Variants in PTPRA observed in about 807,000 individuals in gnomAD.
PTPRA encodes receptor-type tyrosine-protein phosphatase alpha.
A neutral mutation model predicts 104.8 loss-of-function variants in PTPRA; 25 were observed. The ratio of observed to expected loss-of-function variants is 0.24; its 90% CI spans 0.17 to 0.33. PTPRA has a LOEUF of 0.33. Ranked by LOEUF, PTPRA falls within the 10% of genes least tolerant of loss-of-function variation. PTPRA has a pLI of 1.00. For synonymous variants in PTPRA, 323 were observed against 368.9 expected (o/e 0.88, Z 1.43); for missense variants, 765 against 1,015.3 (o/e 0.75, Z 3.35).
At position 3,035,872 on chromosome 20, in the gene PTPRA, T is replaced by A. The variant is rs760178574; in HGVS notation, c.2129T>A (p.Ile710Asn). The A allele has an allele frequency of 4.3e-6, 7 of 1,614,032 alleles. No homozygotes were observed. The highest frequency in any genetic ancestry group is 4.2e-6 in the Non-Finnish European group (5 of 1,180,020). ...VGIPSDGKGM[I>N]SIIAAVQKQQ... Reference sequence around the variant, plus strand: ...ATCCCCAGTGACGGAAAGGGCATGATCAGCATCATCGCCGCCGTGCAGAAG... The same window carrying A: ...ATCCCCAGTGACGGAAAGGGCATGAACAGCATCATCGCCGCCGTGCAGAAG... Residue 710 changes from isoleucine (I) to asparagine (N), a missense_variant, in exon 22 of 24, where the codon ATC becomes AAC. Coordinates refer to ENST00000399903, the MANE Select transcript of PTPRA (RefSeq NM_001385305.1). The surrounding 1 kb of genome is among the most constrained non-coding windows in gnomAD (Gnocchi z 5.8).
At chr20:2,986,080 T>A (rs1600215714) in intron 6 of PTPRA, among the ~76,000 whole-genome samples, 2 of 152,220 alleles carry the variant, frequency 1.3e-5, no homozygotes, top group Non-Finnish European at 1.5e-5. Context: ...GCTATTTTTT[T>A]AATTTTTAGT....
chr20:2,917,114 G>A (rs6138950), intron 1 of PTPRA, among the ~76,000 whole-genome samples: 6,431 of 151,536 alleles, frequency 0.042, 309 homozygotes, highest in Admixed American at 0.11. Flanking sequence ...CACACCATCC[G>A]CCCAACTAAA....
At chr20:3,004,680 A>G (rs1203254994) in intron 9 of PTPRA, among the ~76,000 whole-genome samples, 2 of 152,218 alleles carry the variant, frequency 1.3e-5, no homozygotes, top group Non-Finnish European at 2.9e-5. Flanking sequence ...TGTGGTGGTA[A>G]TTAGCATGAG....
At chr20:2,966,668 C>T (rs2061957505) in intron 5 of PTPRA, among the ~76,000 whole-genome samples, 1 of 152,106 alleles carries the variant, frequency 6.6e-6, no homozygotes, top group Non-Finnish European at 1.5e-5. Context: ...TAGAATAATC[C>T]TATGAATTAA....
intron 2 of PTPRA, among the ~76,000 whole-genome samples, chr20:2,940,684 A>G (rs1490176579): frequency 6.6e-6 from 1 of 152,138 alleles, no homozygotes; most frequent in Admixed American, 6.6e-5. Flanking sequence ...TCTCAGAGAG[A>G]AAAAGAGAGA....
intron 2 of PTPRA, among the ~76,000 whole-genome samples, chr20:2,926,471 C>T (rs13036430): frequency 0.21 from 31,156 of 151,950 alleles, 3,620 homozygotes; most frequent in East Asian, 0.38. Context: ...AAAATAAGTG[C>T]GCTAGTCATT....
the PTPRA span, chr20:2,865,020 G>T: frequency 6.2e-7 from 1 of 1,614,162 alleles, no homozygotes; most frequent in Non-Finnish European, 8.5e-7. The surrounding 1 kb of genome is among the most constrained non-coding windows in gnomAD (Gnocchi z 5.2). Flanking sequence ...AGCCGCCGAT[G>T]CCTTCTACAA....
intron 6 of PTPRA, among the ~76,000 whole-genome samples, chr20:2,981,367 C>T (rs1014356847): frequency 6.6e-6 from 1 of 152,008 alleles, no homozygotes; most frequent in African/African-American, 2.4e-5. Flanking sequence ...GAGTATAGAC[C>T]AGTGGTTCCT....
intron 2 of PTPRA, among the ~76,000 whole-genome samples, chr20:2,945,644 A>G (rs1246762544): frequency 6.6e-6 from 1 of 151,660 alleles, no homozygotes; most frequent in African/African-American, 2.4e-5. Context: ...TTTATTTATT[A>G]TAGGCCGGGT....
chr20:2,937,783 C>T (rs1448645199), intron 2 of PTPRA, among the ~76,000 whole-genome samples: 4 of 151,954 alleles, frequency 2.6e-5, no homozygotes, highest in African/African-American at 9.7e-5. Flanking sequence ...GTTCATCTGC[C>T]AGTATTTGTA....
chr20:2,888,140 A>G (rs2090480195), intron 1 of PTPRA, among the ~76,000 whole-genome samples: 1 of 152,208 alleles, frequency 6.6e-6, no homozygotes, highest in Non-Finnish European at 1.5e-5. Context: ...GGTGGAAGAC[A>G]AAGAAAACCC....
At chr20:2,883,370 A>AAT (rs1332279470) in intron 1 of PTPRA, among the ~76,000 whole-genome samples, 2,388 of 98,636 alleles carry the variant, frequency 0.024, 1,013 homozygotes, top group East Asian at 0.055. Context: ...AGAAATGTGC[A>AAT]GGCCGGGCGC....
chr20:2,881,326 A>T (rs562563651), intron 1 of PTPRA, among the ~76,000 whole-genome samples: 1 of 151,944 alleles, frequency 6.6e-6, no homozygotes, highest in Non-Finnish European at 1.5e-5. Context: ...AAAAAAAAGT[A>T]TGTAAAACCT....
Position 2,965,079 on chromosome 20 carries a change from G to C in PTPRA, c.292G>C (p.Gly98Arg), listed in dbSNP as rs201647445. The C allele has an allele frequency of 1.2e-6, 2 of 1,613,902 alleles. No homozygotes were observed. The highest frequency in any genetic ancestry group is 1.3e-5 in the African/African-American group (1 of 74,978). The change falls in exon 5 of 24, where the codon GGC (glycine) becomes CGC (arginine). Residue 98 changes from glycine to arginine, a missense_variant. By Grantham distance (125) the Gly-to-Arg change is moderately radical (BLOSUM62 -2). This residue lies in a region of PTPRA where 256 missense variants were observed against 248.9 expected (regional missense o/e 1.03). Transcript: ENST00000399903. ...TTRTASTNSIGITISPNGTWL... is the reference protein window; with the variant it reads ...TTRTASTNSIRITISPNGTWL... ...AAGAACAGCAAGCACCAATTCTATA[G>C]GCATTACAATTTCACCAAATGGAAC...
intron 2 of PTPRA, 91 bp downstream of exon 2, chr20:2,923,376 A>G (rs1476359596): frequency 1.1e-6 from 1 of 948,550 alleles, no homozygotes; most frequent in Non-Finnish European, 1.4e-6. Flanking sequence ...TTCCTGCTTC[A>G]TTTCGTTTCT....
At chr20:2,955,055 A>G (rs2061488676) in intron 3 of PTPRA, among the ~76,000 whole-genome samples, 1 of 152,202 alleles carries the variant, frequency 6.6e-6, no homozygotes, top group South Asian at 2.1e-4. Flanking sequence ...TCCTCTGCTA[A>G]TACTGTCTTA....
At chr20:2,991,996 C>G (rs1600223596) in intron 9 of PTPRA, among the ~76,000 whole-genome samples, 1 of 152,196 alleles carries the variant, frequency 6.6e-6, no homozygotes, top group East Asian at 1.9e-4. Context: ...GTAGTATACC[C>G]CATAGCAGTC....
chr20:2,871,753 G>A (rs1403502651), upstream of PTPRA, among the ~76,000 whole-genome samples: 3 of 152,230 alleles, frequency 2.0e-5, no homozygotes, highest in African/African-American at 7.2e-5. Flanking sequence ...GGGGATATGT[G>A]AATGTTGGGC....
chr20:2,959,701 C>T lies in PTPRA; in HGVS notation c.-6-4571C>T, dbSNP rs142848237. On this transcript the variant is annotated intron_variant, in intron 3 of 23. Coordinates refer to ENST00000399903, the MANE Select transcript of PTPRA (RefSeq NM_001385305.1). ...GGCGCGGTGGCTCACACCTGTAATC[C>T]CAGCACTTTGGAAGGCCAAGGTGGG... 3.9e-5 allele frequency among the ~76,000 whole-genome samples: 6 copies of T among 152,096 alleles called. No homozygotes were observed. The East Asian group carries it at 1.2e-3, about 29-fold the overall frequency.
Sources: allele counts gnomAD v4.1 joint callset (sites outside exome capture counted in the v4.1 genomes callset), GRCh38; gene constraint gnomAD v4.1.1; regional missense constraint gnomAD v4.1.1; non-coding constraint Gnocchi (gnomAD v3.1); transcripts MANE v1.5; gene names NCBI Gene and HGNC (gene_info 2026-07-23, HGNC 2026-07-21).